Variants in ZCCHC24 observed in about 807,000 individuals in gnomAD.
The protein encoded by ZCCHC24 is zinc finger CCHC-type containing 24, also known as zinc finger CCHC domain-containing protein 24.
Under a neutral mutation model 26.2 loss-of-function variants are expected in ZCCHC24, and 10 were observed. The ratio of observed to expected loss-of-function variants is 0.38; its 90% CI spans 0.24 to 0.65. The LOEUF is 0.65. Among genes scored for constraint, ZCCHC24 ranks in the 30% least tolerant of loss-of-function variants. ZCCHC24 has a pLI of 0.54. For missense variants in ZCCHC24, 243 were observed against 329.1 expected (o/e 0.74, Z 2.03); for synonymous variants, 144 against 147.1 (o/e 0.98, Z 0.15).
intron 2 of ZCCHC24, among the ~76,000 whole-genome samples, chr10:79,428,379 C>T (rs3997798): frequency 0.42 from 54,331 of 129,776 alleles, 11,435 homozygotes; most frequent in African/African-American, 0.48. Flanking sequence ...AATTATTATG[C>T]AATGGGTACA....
intron 2 of ZCCHC24, among the ~76,000 whole-genome samples, chr10:79,400,888 T>C (rs1856620113): frequency 6.6e-6 from 1 of 152,222 alleles, no homozygotes; most frequent in Non-Finnish European, 1.5e-5. Context: ...GCCAGACATG[T>C]CCACACACTG....
chr10:79,442,881 TG>T (rs760917168), intron 1 of ZCCHC24, among the ~76,000 whole-genome samples: 3 of 151,856 alleles, frequency 2.0e-5, no homozygotes, highest in African/African-American at 7.3e-5. Context: ...GCAAAGTGGG[TG>T]GGGGGTGAGG....
chr10:79,439,895 A>G (rs1371095110), intron 1 of ZCCHC24, among the ~76,000 whole-genome samples: 1 of 152,190 alleles, frequency 6.6e-6, no homozygotes, highest in East Asian at 1.9e-4. Context: ...GCAGCCAAGT[A>G]AAACCCCTCA....
chr10:79,431,394 T>C (rs1857125458), intron 2 of ZCCHC24, among the ~76,000 whole-genome samples: 1 of 152,124 alleles, frequency 6.6e-6, no homozygotes, highest in South Asian at 2.1e-4. Context: ...AGATGTGGGG[T>C]CTGCAGGAAA....
chr10:79,437,283 G>T (rs1857228281), intron 1 of ZCCHC24, among the ~76,000 whole-genome samples: 1 of 152,110 alleles, frequency 6.6e-6, no homozygotes, highest in South Asian at 2.1e-4. Flanking sequence ...AAACTCCTGG[G>T]CTCAAGGGAT....
intron 1 of ZCCHC24, among the ~76,000 whole-genome samples, chr10:79,434,321 G>A (rs1336476394): frequency 6.6e-6 from 1 of 152,182 alleles, no homozygotes; most frequent in Non-Finnish European, 1.5e-5. Flanking sequence ...ATTCCACATT[G>A]ACCTGCGTTC....
At chr10:79,390,147 AG>A (rs1431866431) in intron 3 of ZCCHC24, among the ~76,000 whole-genome samples, 4 of 152,194 alleles carry the variant, frequency 2.6e-5, no homozygotes, top group African/African-American at 9.6e-5. Context: ...CTGGGACTAC[AG>A]GTATGAGCCA....
intron 1 of ZCCHC24, among the ~76,000 whole-genome samples, chr10:79,441,074 C>T (rs1423317999): frequency 9.5e-6 from 1 of 105,688 alleles, no homozygotes; most frequent in African/African-American, 5.5e-5. Flanking sequence ...TGGAGCTGCC[C>T]CCTAAACACA....
chr10:79,401,892 C>T (rs974702383), intron 2 of ZCCHC24, among the ~76,000 whole-genome samples: 1 of 152,260 alleles, frequency 6.6e-6, no homozygotes, highest in African/African-American at 2.4e-5. Context: ...TCTGCCCAGT[C>T]TGCGTGCTTT....
chr10:79,423,587 A>ATATATT (rs749128110), intron 2 of ZCCHC24, among the ~76,000 whole-genome samples: 4 of 112,768 alleles, frequency 3.5e-5, no homozygotes, highest in African/African-American at 1.3e-4. Context: ...TATACTATAT[A>ATATATT]TATATATATA....
chr10:79,440,753 C>A (rs750145729), intron 1 of ZCCHC24, among the ~76,000 whole-genome samples: 3 of 152,172 alleles, frequency 2.0e-5, no homozygotes, highest in African/African-American at 7.2e-5. Flanking sequence ...CATCTCCTCC[C>A]GGAGCCCTCC....
chr10:79,423,707 T>C (rs1168105802), intron 2 of ZCCHC24, among the ~76,000 whole-genome samples: 2 of 149,466 alleles, frequency 1.3e-5, no homozygotes, highest in Non-Finnish European at 1.5e-5. Flanking sequence ...ATAAAATAAA[T>C]ACAAATAGGC....
chr10:79,409,472 G>A (rs1227195088), intron 2 of ZCCHC24, among the ~76,000 whole-genome samples: 1 of 152,198 alleles, frequency 6.6e-6, no homozygotes, highest in African/African-American at 2.4e-5. Flanking sequence ...CCTCTCCTCA[G>A]GGACAGAGAC....
intron 1 of ZCCHC24, among the ~76,000 whole-genome samples, chr10:79,440,109 C>CAA (rs1857271953): frequency 7.0e-6 from 1 of 141,998 alleles, no homozygotes; most frequent in South Asian, 2.2e-4. Flanking sequence ...ACCACCACCA[C>CAA]GACACACACA....
intron 2 of ZCCHC24, chr10:79,394,717 G>A: frequency 1.1e-6 from 1 of 878,076 alleles, no homozygotes; most frequent in Non-Finnish European, 1.4e-6. Context: ...GTACTCAATG[G>A]TGGCTGGAAA....
chr10:79,427,984 G>A lies in ZCCHC24; in HGVS notation c.447+4574C>T, dbSNP rs911203009. On this transcript the variant is annotated intron_variant, in intron 2 of 3. Coordinates refer to ENST00000372336, the MANE Select transcript of ZCCHC24 (RefSeq NM_153367.4). ...ACCTGAAGAAACTAGAAAAAGAAGA[G>A]CAAACTAAATCTAAAGCAAGCTGAT... is the stretch of plus-strand genomic sequence containing the variant. 9.2e-5 allele frequency among the ~76,000 whole-genome samples: 14 copies of A among 152,260 alleles called. No homozygotes were observed. In the Middle Eastern group the frequency reaches 0.01, roughly 111 times the overall value.
chr10:79,386,526 C>G lies in ZCCHC24; in HGVS notation c.613-68G>C, dbSNP rs1233605631. ...AGAAAGACAGAAACACAGAGACAGA[C>G]AGGGAGAGACACACAGAGACAGACA... On this transcript the variant is annotated intron_variant, in intron 3 of 3. Coordinates refer to ENST00000372336, the MANE Select transcript of ZCCHC24 (RefSeq NM_153367.4). 3.1e-6 allele frequency: 4 copies of G among 1,271,782 alleles called. No homozygotes were observed. The Admixed American group carries it at 8.9e-5, about 28-fold the overall frequency. The allele number at this position is 1,271,782 out of a possible 1,614,324, so 78.8% of individuals were successfully genotyped here. A position where few individuals can be genotyped will look rare whatever the true frequency, so the allele number is the denominator to read the frequency against.
intron 2 of ZCCHC24, 151 bp from the exon 3 acceptor site, chr10:79,394,591 C>T (rs1856520367): frequency 2.1e-6 from 3 of 1,406,238 alleles, no homozygotes; most frequent in Non-Finnish European, 2.8e-6. Context: ...CCAGGGTCAT[C>T]CCCAGAGCAC....
intron 1 of ZCCHC24, chr10:79,444,356 T>C (rs1857330500): frequency 8.2e-7 from 1 of 1,220,188 alleles, no homozygotes. Flanking sequence ...TGTATTTATC[T>C]TGCTGGCAAA....
Sources: gnomAD v4.1 joint callset for allele counts (sites outside exome capture counted in the v4.1 genomes callset) on GRCh38, gnomAD v4.1.1 for gene constraint, MANE v1.5 for transcripts, NCBI Gene and HGNC (gene_info 2026-07-23, HGNC 2026-07-21) for gene names.